CDH4: variants seen among roughly 807,000 people sequenced by gnomAD.
The protein encoded by CDH4 is cadherin-4.
A neutral mutation model predicts 86.0 loss-of-function variants in CDH4; 33 were observed. The observed-to-expected ratio is 0.38, with a 90% CI of 0.29 to 0.51. The LOEUF (loss-of-function observed/expected upper bound fraction) is 0.51. Ranked by LOEUF, CDH4 falls within the 20% of genes least tolerant of loss-of-function variation. CDH4 has a pLI of 0.86. For synonymous variants in CDH4, 555 were observed against 549.4 expected (o/e 1.01, Z -0.14); for missense variants, 1,114 against 1,307.4 (o/e 0.85, Z 2.28).
At chr20:61,711,470 T>A (rs888535386) in intron 2 of CDH4, among the ~76,000 whole-genome samples, 4 of 152,202 alleles carry the variant, frequency 2.6e-5, no homozygotes, top group African/African-American at 9.6e-5. Flanking sequence ...CCTTTCCCAA[T>A]CCTGGAGGCC....
intron 4 of CDH4, among the ~76,000 whole-genome samples, chr20:61,801,271 G>T (rs1344769272): frequency 6.6e-6 from 1 of 152,128 alleles, no homozygotes; most frequent in Non-Finnish European, 1.5e-5. Flanking sequence ...TTGGGGGAGT[G>T]GGGTCAGGCA....
chr20:61,651,432 G>A (rs1052325119), intron 2 of CDH4, among the ~76,000 whole-genome samples: 2 of 152,220 alleles, frequency 1.3e-5, no homozygotes, highest in Non-Finnish European at 2.9e-5. Flanking sequence ...TGTGCCTGTC[G>A]CGGCGTTCCT....
chr20:61,252,617 G>C lies in CDH4; in HGVS notation c.57+47G>C. On this transcript the variant is annotated intron_variant, in intron 1 of 15. Coordinates refer to ENST00000614565, the MANE Select transcript of CDH4 (RefSeq NM_001794.5). The surrounding 1 kb of genome is among the most constrained non-coding windows in gnomAD (Gnocchi z 4.4). Reference sequence around the variant, plus strand: ...CCGCCGTTCGGAAGCCCCGGGCAGCGGGAGGTCGTCCCCGGATCCCGCGGG... The same window carrying C: ...CCGCCGTTCGGAAGCCCCGGGCAGCCGGAGGTCGTCCCCGGATCCCGCGGG... 1 of 1,146,292 alleles carries C rather than the reference G, an allele frequency of 8.7e-7. No homozygotes were observed. The highest frequency in any genetic ancestry group is 1.6e-5 in the African/African-American group (1 of 61,960). 71.0% of individuals were successfully genotyped at this position (1,146,292 alleles called of 1,614,324 possible). A position where few individuals can be genotyped will look rare whatever the true frequency, so the allele number is the denominator to read the frequency against.
intron 2 of CDH4, among the ~76,000 whole-genome samples, chr20:61,451,466 C>A (rs919840271): frequency 6.6e-6 from 1 of 152,112 alleles, no homozygotes; most frequent in Non-Finnish European, 1.5e-5. Context: ...TATCTTAATC[C>A]TATTTCCAAG....
intron 2 of CDH4, among the ~76,000 whole-genome samples, chr20:61,613,856 G>A (rs1175939457): frequency 2.0e-5 from 3 of 151,812 alleles, no homozygotes; most frequent in Non-Finnish European, 4.4e-5. Context: ...ATTGGTGGGA[G>A]GGGGGGCTTT....
chr20:61,855,432 G>A (rs1478993276), intron 6 of CDH4, among the ~76,000 whole-genome samples: 1 of 152,186 alleles, frequency 6.6e-6, no homozygotes, highest in African/African-American at 2.4e-5. Flanking sequence ...TTAGCTCCAG[G>A]CAGCCAAAGA....
intron 2 of CDH4, among the ~76,000 whole-genome samples, chr20:61,433,518 AAC>A (rs1314666822): frequency 2.0e-5 from 3 of 152,090 alleles, no homozygotes; most frequent in African/African-American, 4.8e-5. Flanking sequence ...AAAAAAAAAA[AAC>A]CTGCTAGAAT....
intron 2 of CDH4, among the ~76,000 whole-genome samples, chr20:61,694,658 C>T (rs1287850206): frequency 6.6e-6 from 1 of 152,106 alleles, no homozygotes; most frequent in East Asian, 1.9e-4. Flanking sequence ...ACAGGCACCT[C>T]CAGGAGGAGG....
At chr20:61,745,489 G>T (rs2088402993) in intron 3 of CDH4, among the ~76,000 whole-genome samples, 1 of 152,232 alleles carries the variant, frequency 6.6e-6, no homozygotes, top group Non-Finnish European at 1.5e-5. Context: ...CCCCACGGGG[G>T]AAGGAGGTCT....
chr20:61,434,457 G>T (rs1015876426), intron 2 of CDH4, among the ~76,000 whole-genome samples: 1 of 152,122 alleles, frequency 6.6e-6, no homozygotes, highest in Non-Finnish European at 1.5e-5. Flanking sequence ...TAGATTGCAC[G>T]TTCACCGCGG....
intron 4 of CDH4, among the ~76,000 whole-genome samples, chr20:61,796,656 T>A (rs1262238983): frequency 6.6e-6 from 1 of 152,144 alleles, no homozygotes; most frequent in East Asian, 1.9e-4. Context: ...GTCACTTTGA[T>A]TACAGAGCCA....
At chr20:61,559,980 A>G (rs1321527328) in intron 2 of CDH4, among the ~76,000 whole-genome samples, 2 of 152,192 alleles carry the variant, frequency 1.3e-5, no homozygotes, top group Admixed American at 6.5e-5. Context: ...CGTCTCAACC[A>G]TGGACCCTCT....
chr20:61,271,844 G>A (rs1461282261), intron 2 of CDH4, among the ~76,000 whole-genome samples: 3 of 152,118 alleles, frequency 2.0e-5, no homozygotes, highest in Admixed American at 2.0e-4. Flanking sequence ...TCCCCTCAAC[G>A]TGCCAAGATT....
chr20:61,539,359 C>T (rs971316633), intron 2 of CDH4, among the ~76,000 whole-genome samples: 1 of 152,234 alleles, frequency 6.6e-6, no homozygotes, highest in Non-Finnish European at 1.5e-5. Flanking sequence ...TATTTTCTTA[C>T]AATTCAGGAG....
chr20:61,936,733 C>T lies in CDH4; in HGVS notation c.2545-4C>T. The T allele has an allele frequency of 6.4e-7, 1 of 1,556,682 alleles. No homozygotes were observed. Among genetic ancestry groups the T allele is most frequent in the South Asian group, 1.2e-5 (1 of 81,958 alleles). ...CACCCTAACTCTGTGTCTGTGACCC[C>T]CAGGGACTCCGCGCTGCTGACAACG... On this transcript the variant is annotated splice_region_variant and splice_polypyrimidine_tract_variant and intron_variant, in intron 15 of 15. Coordinates refer to ENST00000614565, the MANE Select transcript of CDH4 (RefSeq NM_001794.5).
At chr20:61,685,026 A>G (rs1233729059) in intron 2 of CDH4, among the ~76,000 whole-genome samples, 1 of 152,124 alleles carries the variant, frequency 6.6e-6, no homozygotes, top group Non-Finnish European at 1.5e-5. Flanking sequence ...CTGTCATCTA[A>G]TTGTGCAACT....
At chr20:61,337,303 A>G (rs55815609) in intron 2 of CDH4, among the ~76,000 whole-genome samples, 1 of 108,508 alleles carries the variant, frequency 9.2e-6, no homozygotes, top group Non-Finnish European at 2.0e-5. Flanking sequence ...TGGTGATGAT[A>G]ATGATGGTGA....
chr20:61,381,993 T>C lies in CDH4; in HGVS notation c.169+127056T>C, dbSNP rs539724198. ...TGGGAGGCTGAGGCAGGAGAATTGT[T>C]TGAACCTGGGAGGCAGAAGTTGCAG... On this transcript the variant is annotated intron_variant, in intron 2 of 15. Coordinates refer to ENST00000614565, the MANE Select transcript of CDH4 (RefSeq NM_001794.5). Among the ~76,000 whole-genome samples the C allele has an allele frequency of 2.0e-5, 3 of 152,076 alleles. No individual in the cohort carries two copies. In the East Asian group the frequency reaches 5.8e-4, roughly 30 times the overall value.
intron 2 of CDH4, among the ~76,000 whole-genome samples, chr20:61,565,949 T>G (rs1383461030): frequency 6.6e-6 from 1 of 152,312 alleles, no homozygotes; most frequent in East Asian, 1.9e-4. Context: ...TGTACACTGT[T>G]GCCTCCCACC....
Sources: gnomAD v4.1 joint callset for allele counts (sites outside exome capture counted in the v4.1 genomes callset) on GRCh38, gnomAD v4.1.1 for gene constraint, Gnocchi (gnomAD v3.1) non-coding constraint, MANE v1.5 for transcripts, NCBI Gene and HGNC (gene_info 2026-07-23, HGNC 2026-07-21) for gene names.